CLNK: variants seen among roughly 807,000 people sequenced by gnomAD.
CLNK encodes the protein cytokine dependent hematopoietic cell linker, also known as cytokine-dependent hematopoietic cell linker.
In CLNK, 74 loss-of-function variants were observed where a neutral mutation model predicts 68.6. The ratio of observed to expected loss-of-function variants is 1.08; its 90% CI spans 0.89 to 1.31. The LOEUF (loss-of-function observed/expected upper bound fraction) is 1.31. Among genes scored for constraint, CLNK ranks in the 50% most tolerant of loss-of-function variants. The pLI, the probability that CLNK is intolerant of heterozygous loss-of-function variation, is 0.00. For synonymous variants in CLNK, 198 were observed against 172.2 expected, an observed-to-expected ratio of 1.15 and a Z score of -1.17; for missense variants, 553 against 515.3, an observed-to-expected ratio of 1.07 and a Z score of -0.71.
At chr4:10,540,772 A>G (rs183574922) in intron 10 of CLNK, among the ~76,000 whole-genome samples, 168 bp from the exon 11 acceptor site, 1 of 152,276 alleles carries the variant, frequency 6.6e-6, no homozygotes, top group East Asian at 1.9e-4. Context: ...ACTGTTTTCT[A>G]AAGGGCGTGA....
At chr4:10,621,980 C>T (rs1340462437) in intron 2 of CLNK, among the ~76,000 whole-genome samples, 1 of 152,198 alleles carries the variant, frequency 6.6e-6, no homozygotes, top group Non-Finnish European at 1.5e-5. Context: ...TGTCAAATCA[C>T]TCTTTCATCT....
intron 2 of CLNK, among the ~76,000 whole-genome samples, chr4:10,659,224 C>CA (rs1360052911): frequency 2.0e-5 from 3 of 151,964 alleles, no homozygotes; most frequent in Non-Finnish European, 4.4e-5. Context: ...ACGTAACACA[C>CA]AAAAAAATGG....
chr4:10,576,033 G>A (rs192559549), intron 4 of CLNK, among the ~76,000 whole-genome samples: 131 of 152,246 alleles, frequency 8.6e-4, no homozygotes, highest in African/African-American at 2.9e-3. Flanking sequence ...GATGGCTCCC[G>A]CAACCCACGT....
the CLNK span, among the ~76,000 whole-genome samples, chr4:10,696,661 A>G: frequency 1.1e-4 from 17 of 152,170 alleles, no homozygotes; most frequent in Non-Finnish European, 1.8e-4. Flanking sequence ...GGCATGATAC[A>G]AAGCACTCAA....
intron 2 of CLNK, among the ~76,000 whole-genome samples, chr4:10,651,980 C>CAAA (rs35087866): frequency 6.8e-6 from 1 of 147,376 alleles, no homozygotes; most frequent in Non-Finnish European, 1.5e-5. Context: ...AACAGGAGAT[C>CAAA]AAAAAAAAAG....
intron 1 of CLNK, among the ~76,000 whole-genome samples, chr4:10,682,089 G>C (rs1182846044): frequency 6.6e-6 from 1 of 151,078 alleles, no homozygotes; most frequent in Non-Finnish European, 1.5e-5. Flanking sequence ...CACAAAAATT[G>C]GTCCTATGAT....
At chr4:10,705,346 T>C in the CLNK span, among the ~76,000 whole-genome samples, 578 of 152,356 alleles carry the variant, frequency 3.8e-3, 7 homozygotes, top group African/African-American at 0.013. Context: ...TTTTTGCTGC[T>C]ATAACAAATT....
chr4:10,527,414 C>A (rs1161934331), intron 13 of CLNK, among the ~76,000 whole-genome samples: 1 of 152,186 alleles, frequency 6.6e-6, no homozygotes, highest in Non-Finnish European at 1.5e-5. Flanking sequence ...TTGACCAAAA[C>A]CACTCAGTGA....
Position 10,558,442 on chromosome 4 carries a change from G to A in CLNK, c.410C>T (p.Pro137Leu), listed in dbSNP as rs970540677. The A allele has an allele frequency of 1.9e-6, 3 of 1,613,518 alleles. No homozygotes were observed. In the African/African-American group the frequency reaches 4.0e-5, roughly 22 times the overall value. The change falls in exon 8 of 19, where the codon CCC (proline) becomes CTC (leucine). Residue 137 changes from proline to leucine, a missense_variant. Pro to Leu is a moderately conservative substitution (Grantham distance 98, BLOSUM62 -3). Transcript: ENST00000226951. ...TTGGCTTCTGACGTCCTTGGAAATG[G>A]GTTTGTCCACCTGTACAAGACAATG... ...TQTRLERVDK[P>L]ISKDVRSQNI...
chr4:10,501,184 T>C, intron 18 of CLNK, 72 bp downstream of exon 18: 1 of 1,443,618 alleles, frequency 6.9e-7, no homozygotes, highest in Non-Finnish European at 9.2e-7. Flanking sequence ...TCCTCCAGGG[T>C]GACATCCCCC....
chr4:10,654,276 C>G (rs1322607856), intron 2 of CLNK, among the ~76,000 whole-genome samples: 1 of 149,390 alleles, frequency 6.7e-6, no homozygotes, highest in Non-Finnish European at 1.5e-5. Context: ...ATTACCAAAC[C>G]CATTAACATA....
At chr4:10,708,406 A>T in the CLNK span, among the ~76,000 whole-genome samples, 21 of 152,224 alleles carry the variant, frequency 1.4e-4, no homozygotes, top group Admixed American at 3.9e-4. Flanking sequence ...TATTTTACAA[A>T]TGAGGAATCT....
At chr4:10,698,953 T>C in the CLNK span, among the ~76,000 whole-genome samples, 1 of 151,970 alleles carries the variant, frequency 6.6e-6, no homozygotes, top group South Asian at 2.1e-4. Context: ...AGTGGGGACA[T>C]TGGTCTTTTC....
the CLNK span, among the ~76,000 whole-genome samples, chr4:10,699,698 G>C: frequency 6.6e-6 from 1 of 150,800 alleles, no homozygotes; most frequent in African/African-American, 2.4e-5. Flanking sequence ...TTTTTTAGTA[G>C]AGATAGGGTT....
chr4:10,563,978 A>G (rs1455410850), intron 7 of CLNK, among the ~76,000 whole-genome samples: 1 of 152,212 alleles, frequency 6.6e-6, no homozygotes, highest in Admixed American at 6.5e-5. Flanking sequence ...AATAACTGCA[A>G]TCCCAGGGGG....
chr4:10,511,875 G>A (rs567249092), intron 16 of CLNK, among the ~76,000 whole-genome samples: 1 of 152,230 alleles, frequency 6.6e-6, no homozygotes, highest in African/African-American at 2.4e-5. Flanking sequence ...CATAGACTAA[G>A]GAATGGAATA....
intron 8 of CLNK, among the ~76,000 whole-genome samples, chr4:10,555,714 T>C (rs1383004502): frequency 1.3e-5 from 2 of 152,220 alleles, no homozygotes; most frequent in African/African-American, 2.4e-5. Flanking sequence ...CCAACCAATA[T>C]GTTTTATTCT....
intron 3 of CLNK, among the ~76,000 whole-genome samples, chr4:10,595,008 A>G (rs1237034329): frequency 6.6e-6 from 1 of 152,162 alleles, no homozygotes; most frequent in Non-Finnish European, 1.5e-5. Context: ...GAGGCAGGAG[A>G]ATCGTTTGAA....
chr4:10,703,401 A>G, the CLNK span, among the ~76,000 whole-genome samples: 1 of 152,146 alleles, frequency 6.6e-6, no homozygotes, highest in Non-Finnish European at 1.5e-5. Context: ...CAGGAGAAAC[A>G]CGTTTTGGGG....
Sources: gnomAD v4.1 joint callset for allele counts (sites outside exome capture counted in the v4.1 genomes callset) on GRCh38, gnomAD v4.1.1 for gene constraint, MANE v1.5 for transcripts, NCBI Gene and HGNC (gene_info 2026-07-23, HGNC 2026-07-21) for gene names.